Variants in FRMPD4 observed in about 807,000 individuals in gnomAD.
FRMPD4 encodes FERM and PDZ domain containing 4, also known as FERM and PDZ domain-containing protein 4.
Under a neutral mutation model 94.1 loss-of-function variants are expected in FRMPD4, and 22 were observed. The ratio of observed to expected loss-of-function variants is 0.23; its 90% CI spans 0.17 to 0.33. The LOEUF is 0.33. Among genes scored for constraint, FRMPD4 ranks in the 10% least tolerant of loss-of-function variants. FRMPD4 has a pLI of 1.00. For synonymous variants in FRMPD4, 631 were observed against 548.6 expected (o/e 1.15, Z -2.10); for missense variants, 1,111 against 1,339.9 (o/e 0.83, Z 2.67).
intron 1 of FRMPD4, among the ~76,000 whole-genome samples, chrX:12,289,371 A>G (rs1283248015): frequency 8.9e-6 from 1 of 112,211 alleles, no homozygotes; most frequent in East Asian, 2.8e-4. Context: ...TTCAGTAGAC[A>G]CTAGCCCATA....
At chrX:11,974,800 T>C (rs768996267) in intron 3 of FRMPD4, among the ~76,000 whole-genome samples, 1 of 111,558 alleles carries the variant, frequency 9.0e-6, no homozygotes, top group African/African-American at 3.3e-5. Flanking sequence ...AGAGGGTCAC[T>C]GGGAGAGTCA....
intron 1 of FRMPD4, among the ~76,000 whole-genome samples, chrX:12,427,895 CTCTTTTTTTTT>C (rs2056965190): frequency 1.6e-5 from 1 of 60,799 alleles, no homozygotes; most frequent in East Asian, 5.7e-4. Flanking sequence ...TTCCTTTTTT[CTCTTTTTTTTT>C]TTTTTTTTTT....
Position 12,598,573 on chromosome X carries a change from G to A in FRMPD4, c.159-11148G>A, listed in dbSNP as rs1203973370. ...CTCTCAGGGCACCAATGCTGCTGGTGGGGTTGAGGGCAGGGAGATGAGATT... is the reference window on the plus strand; with the variant it reads ...CTCTCAGGGCACCAATGCTGCTGGTAGGGTTGAGGGCAGGGAGATGAGATT... On this transcript the variant is annotated intron_variant, in intron 2 of 16. Coordinates refer to ENST00000675598, the MANE Select transcript of FRMPD4 (RefSeq NM_001368397.1). Among the ~76,000 whole-genome samples, 8 of 111,640 alleles carry A rather than the reference G, an allele frequency of 7.2e-5. No homozygotes were observed. The Admixed American group carries it at 7.6e-4, about 11-fold the overall frequency.
intron 1 of FRMPD4, among the ~76,000 whole-genome samples, chrX:12,154,114 G>A (rs1296130800): frequency 8.9e-6 from 1 of 112,485 alleles, no homozygotes; most frequent in African/African-American, 3.2e-5. Context: ...TGGAGACAGA[G>A]GGAATTACAA....
At chrX:12,116,869 C>T (rs940903054) in intron 3 of FRMPD4, among the ~76,000 whole-genome samples, 3 of 111,756 alleles carry the variant, frequency 2.7e-5, no homozygotes, top group Non-Finnish European at 3.8e-5. Flanking sequence ...TTTGAAAATC[C>T]TCCATTTTCT....
intron 9 of FRMPD4, among the ~76,000 whole-genome samples, chrX:12,700,944 A>T (rs1306374529): frequency 9.0e-6 from 1 of 111,582 alleles, no homozygotes; most frequent in Non-Finnish European, 1.9e-5. Context: ...GCCTCCCTGC[A>T]GCTGCTGTGG....
intron 3 of FRMPD4, among the ~76,000 whole-genome samples, chrX:12,047,021 CTG>C (rs2054789003): frequency 9.1e-6 from 1 of 110,323 alleles, no homozygotes; most frequent in Non-Finnish European, 1.9e-5. Context: ...AAGCCAGGAA[CTG>C]TGAGTGAAAA....
At chrX:12,317,827 T>C (rs2055150064) in intron 1 of FRMPD4, among the ~76,000 whole-genome samples, 1 of 111,638 alleles carries the variant, frequency 9.0e-6, no homozygotes. Context: ...GGAGAGAATG[T>C]GGAGAAAGGG....
At chrX:12,339,320 T>C (rs2055573985) in intron 1 of FRMPD4, among the ~76,000 whole-genome samples, 1 of 112,268 alleles carries the variant, frequency 8.9e-6, no homozygotes, top group African/African-American at 3.2e-5. Flanking sequence ...AACCATAGTT[T>C]GAATACATGA....
In FRMPD4 at chrX:12,622,101, AGAGAGGAGAGGAAAG is replaced by A. The variant is rs1387374987; in HGVS notation, c.422+7233_422+7247del. ...AAGGAAAGAAGAAGAAAAGAGGAGAAGAGAGGAGAGGAAAGGAGAGGAGAGGAGAGGAGAGGTGAA... is the reference window on the plus strand; with the variant it reads ...AAGGAAAGAAGAAGAAAAGAGGAGAAGAGAGGAGAGGAGAGGAGAGGTGAA... On this transcript the variant is annotated intron_variant, in intron 4 of 16. Transcript: ENST00000675598. 2.1e-4 allele frequency among the ~76,000 whole-genome samples: 11 copies of A among 51,574 alleles called. 1 individual carries two copies. The South Asian group carries it at 3.9e-3, about 18-fold the overall frequency. 44.8% of individuals were successfully genotyped at this position (51,574 alleles called of 115,157 possible).
intron 3 of FRMPD4, among the ~76,000 whole-genome samples, chrX:11,891,621 T>C (rs1012733789): frequency 8.9e-6 from 1 of 112,086 alleles, no homozygotes; most frequent in African/African-American, 3.2e-5. Context: ...CTCAGGTAAT[T>C]ACCCTCTCTG....
chrX:12,096,802 G>A (rs144371252), intron 3 of FRMPD4, among the ~76,000 whole-genome samples: 1,444 of 111,206 alleles, frequency 0.013, 15 homozygotes, highest in Non-Finnish European at 0.019. Flanking sequence ...CAGGAGTATT[G>A]CTCGAGCCCA....
intron 1 of FRMPD4, among the ~76,000 whole-genome samples, chrX:12,461,353 G>A: frequency 8.9e-6 from 1 of 112,085 alleles, no homozygotes; most frequent in African/African-American, 3.2e-5. Flanking sequence ...AGAACTTTAG[G>A]ATTATTTGTT....
chrX:12,493,797 C>G (rs1184494039), intron 1 of FRMPD4, among the ~76,000 whole-genome samples: 1 of 112,079 alleles, frequency 8.9e-6, no homozygotes, highest in Non-Finnish European at 1.9e-5. Context: ...CTTAGAAATG[C>G]TGCGTGCTAC....
chrX:12,364,191 G>T (rs1029568263), intron 1 of FRMPD4, among the ~76,000 whole-genome samples: 1 of 111,175 alleles, frequency 9.0e-6, no homozygotes, highest in African/African-American at 3.3e-5. Context: ...TAAAAAGTGT[G>T]AGGTATAGTA....
intron 1 of FRMPD4, among the ~76,000 whole-genome samples, chrX:12,394,897 G>T (rs73434850): frequency 9.0e-6 from 1 of 111,273 alleles, no homozygotes; most frequent in African/African-American, 3.3e-5. Flanking sequence ...TGTTGCTCAC[G>T]GGACTTGCAT....
chrX:12,337,425 C>T (rs752690631), intron 1 of FRMPD4, among the ~76,000 whole-genome samples: 1 of 111,901 alleles, frequency 8.9e-6, no homozygotes, highest in South Asian at 3.7e-4. Context: ...ACACATATTC[C>T]AGGACTATAC....
chrX:12,720,065 A>AGGAAAGGAAAG, intron 16 of FRMPD4, among the ~76,000 whole-genome samples: 1 of 107,841 alleles, frequency 9.3e-6, no homozygotes, highest in African/African-American at 3.5e-5. Flanking sequence ...AAAGAAAGAA[A>AGGAAAGGAAAG]GAAAGAAAGA....
chrX:12,294,586 T>C (rs746569967), intron 1 of FRMPD4, among the ~76,000 whole-genome samples: 1 of 110,744 alleles, frequency 9.0e-6, no homozygotes. Context: ...CCACATATGA[T>C]GTATGTATGT....
Sources: gnomAD v4.1 joint callset for allele counts (sites outside exome capture counted in the v4.1 genomes callset) on GRCh38, gnomAD v4.1.1 for gene constraint, MANE v1.5 for transcripts, NCBI Gene and HGNC (gene_info 2026-07-23, HGNC 2026-07-21) for gene names.